The following FRAS1 variants were observed in gnomAD, a reference collection of about 807,000 sequenced individuals.
FRAS1 encodes extracellular matrix organizing protein FRAS1.
FRAS1 carries 290 observed loss-of-function variants against 435.2 expected under a neutral mutation model. The ratio of observed to expected loss-of-function variants is 0.67; its 90% CI spans 0.61 to 0.73. FRAS1 has a LOEUF of 0.73. Ranked by LOEUF, FRAS1 falls within the 30% of genes least tolerant of loss-of-function variation. FRAS1 has a pLI of 0.00. For missense variants in FRAS1, 4,860 were observed against 5,001.5 expected (o/e 0.97, Z 0.85); for synonymous variants, 1,800 against 1,851.0 (o/e 0.97, Z 0.71).
Position 78,479,434 on chromosome 4 carries a change from G to A in FRAS1, c.8159G>A (p.Ser2720Asn). The A allele has an allele frequency of 1.3e-6, 2 of 1,582,518 alleles. No individual in the cohort carries two copies. The highest frequency in any genetic ancestry group is 1.7e-6 in the Non-Finnish European group (2 of 1,160,838). ...CYTVPKSAMG[S>N]SLYALESGSD... Reference sequence around the variant, plus strand: ...ACAGTCCCTAAGTCAGCTATGGGAAGTAGCCTCTATGCTCTAGAATCAGGC... The same window carrying A: ...ACAGTCCCTAAGTCAGCTATGGGAAATAGCCTCTATGCTCTAGAATCAGGC... The change falls in exon 56 of 74, where the codon AGT (serine) becomes AAT (asparagine). Residue 2720 changes from serine (S) to asparagine (N), a missense_variant. Transcript: ENST00000512123.
chr4:78,096,444 C>T (rs1317310798), intron 2 of FRAS1, among the ~76,000 whole-genome samples: 1 of 152,178 alleles, frequency 6.6e-6, no homozygotes, highest in African/African-American at 2.4e-5. Context: ...GTGGGAGCTC[C>T]CACCCCACAT....
chr4:78,097,726 C>T (rs1741882802), intron 2 of FRAS1, among the ~76,000 whole-genome samples: 1 of 152,188 alleles, frequency 6.6e-6, no homozygotes, highest in African/African-American at 2.4e-5. Flanking sequence ...CCTCCCACAA[C>T]ACATGGGAAT....
Position 78,451,832 on chromosome 4 carries a change from A to G in FRAS1, c.6524A>G (p.Asp2175Gly). The change falls in exon 46 of 74, where the codon GAT becomes GGT. Residue 2175 changes from aspartate to glycine, a missense_variant. Transcript: ENST00000512123. ...GGAGGGAGCTTTGCTTTTAAATTTGATGTGGTTGATGGAGAAGGCAACAGA... is the reference window on the plus strand; with the variant it reads ...GGAGGGAGCTTTGCTTTTAAATTTGGTGTGGTTGATGGAGAAGGCAACAGA... ...EPGGSFAFKFDVVDGEGNRLI... is the reference protein window; with the variant it reads ...EPGGSFAFKFGVVDGEGNRLI... 6.2e-7 allele frequency: 1 copy of G among 1,613,080 alleles called. No homozygotes were observed. The highest frequency in any genetic ancestry group is 8.5e-7 in the Non-Finnish European group (1 of 1,179,262).
intron 2 of FRAS1, among the ~76,000 whole-genome samples, chr4:78,212,223 T>C (rs1723543828): frequency 2.0e-5 from 3 of 152,240 alleles, no homozygotes; most frequent in African/African-American, 7.2e-5. Flanking sequence ...TTGCAAATTC[T>C]TGTTTGTCCT....
At chr4:78,086,330 T>A (rs1169893807) in intron 2 of FRAS1, among the ~76,000 whole-genome samples, 1 of 152,004 alleles carries the variant, frequency 6.6e-6, no homozygotes, top group Non-Finnish European at 1.5e-5. Flanking sequence ...GCAGGAAAGA[T>A]CCAAAATTGA....
At chr4:78,293,426 C>T (rs970387750) in intron 14 of FRAS1, among the ~76,000 whole-genome samples, 5 of 152,206 alleles carry the variant, frequency 3.3e-5, no homozygotes, top group African/African-American at 1.2e-4. Context: ...ACCTATCTTC[C>T]ATTTGGCTTC....
intron 2 of FRAS1, among the ~76,000 whole-genome samples, chr4:78,195,150 T>C (rs1411422851): frequency 6.6e-6 from 1 of 152,078 alleles, no homozygotes; most frequent in Non-Finnish European, 1.5e-5. Context: ...CTCAGAGGAG[T>C]ACCCGGCCGT....
chr4:78,393,374 TA>T (rs1732528217), intron 29 of FRAS1, among the ~76,000 whole-genome samples: 1 of 150,174 alleles, frequency 6.7e-6, no homozygotes, highest in South Asian at 2.1e-4. Context: ...AAGGGTTACA[TA>T]AAATATCTTA....
chr4:78,153,887 T>C (rs1219732710), intron 2 of FRAS1, among the ~76,000 whole-genome samples: 1 of 152,222 alleles, frequency 6.6e-6, no homozygotes, highest in Admixed American at 6.5e-5. Flanking sequence ...TCCAGTGATG[T>C]TTAACCAAAG....
At chr4:78,496,477 C>T (rs1720509105) in intron 59 of FRAS1, among the ~76,000 whole-genome samples, 1 of 152,134 alleles carries the variant, frequency 6.6e-6, no homozygotes, top group African/African-American at 2.4e-5. Flanking sequence ...TATTAAGCAG[C>T]ACAGAAAAAA....
At position 78,307,700 on chromosome 4, in the gene FRAS1, C is replaced by T. The variant is rs558309222; in HGVS notation, c.1535-366C>T. ...GCGCTTCCCAGGTGAGGCAATGCCT[C>T]GCCCTGCTTCGGCTGGCGCATGGTG... On this transcript the variant is annotated intron_variant, in intron 14 of 73. Transcript: ENST00000512123. Among the ~76,000 whole-genome samples, 11 of 152,350 alleles carry T rather than the reference C, an allele frequency of 7.2e-5. No individual in the cohort carries two copies. In the East Asian group the frequency reaches 1.7e-3, roughly 24 times the overall value.
At chr4:78,157,786 T>C (rs1444081620) in intron 2 of FRAS1, among the ~76,000 whole-genome samples, 1 of 152,182 alleles carries the variant, frequency 6.6e-6, no homozygotes, top group Non-Finnish European at 1.5e-5. Context: ...TAATAGTTTC[T>C]TTTTTTGCTG....
intron 64 of FRAS1, 48 bp downstream of exon 64, chr4:78,511,554 A>C: frequency 1.0e-4 from 134 of 1,341,760 alleles, no homozygotes; most frequent in Non-Finnish European, 1.3e-4. Flanking sequence ...AGTGAATCTC[A>C]GGTCTCCTTT....
intron 32 of FRAS1, among the ~76,000 whole-genome samples, chr4:78,417,501 G>C (rs1365163341): frequency 6.6e-6 from 1 of 152,162 alleles, no homozygotes; most frequent in African/African-American, 2.4e-5. Context: ...CTTATATAGG[G>C]CATATAGTTT....
In FRAS1 at chr4:78,400,746, C is replaced by G; in HGVS notation, c.3988C>G (p.Leu1330Val). 2.5e-6 allele frequency: 4 copies of G among 1,612,724 alleles called. No homozygotes were observed. The highest frequency in any genetic ancestry group is 2.5e-6 in the Non-Finnish European group (3 of 1,179,446). Residue 1330 changes from leucine to valine, a missense_variant, in exon 30 of 74, where the codon CTT becomes GTT. Coordinates refer to ENST00000512123, the MANE Select transcript of FRAS1 (RefSeq NM_025074.7). The stretch of plus-strand genomic sequence containing the variant: ...ATTTTTATTTCAGAATGACAGGGGT[C>G]TTCAGCTTGTGGCTAATTCGATGGT... ...VKTVPQNDRG[L>V]QLVANSMVWV...
intron 43 of FRAS1, 82 bp from the exon 44 acceptor site, chr4:78,447,971 T>G (rs769835219): frequency 1.0e-4 from 132 of 1,322,032 alleles, no homozygotes; most frequent in Middle Eastern, 2.5e-4. Context: ...CTCATACTAC[T>G]TGGAAAAATC....
At chr4:78,158,856 C>T (rs10023697) in intron 2 of FRAS1, among the ~76,000 whole-genome samples, 36,924 of 152,044 alleles carry the variant, frequency 0.24, 4,717 homozygotes, top group African/African-American at 0.28. Flanking sequence ...TTACATCTCC[C>T]GTTGGAGCAT....
chr4:78,124,506 TTCTA>T (rs1330335614), intron 2 of FRAS1, among the ~76,000 whole-genome samples: 1 of 152,202 alleles, frequency 6.6e-6, no homozygotes, highest in African/African-American at 2.4e-5. Context: ...TTAGGGAGGA[TTCTA>T]TCTTTTTCTA....
At chr4:78,344,648 G>T (rs1336289047) in intron 20 of FRAS1, among the ~76,000 whole-genome samples, 5 of 151,950 alleles carry the variant, frequency 3.3e-5, no homozygotes, top group Non-Finnish European at 7.4e-5. Context: ...TTGATTGGTG[G>T]ATTAAAAGTC....
Sources: gnomAD v4.1 joint callset for allele counts (sites outside exome capture counted in the v4.1 genomes callset) on GRCh38, gnomAD v4.1.1 for gene constraint, MANE v1.5 for transcripts, NCBI Gene and HGNC (gene_info 2026-07-23, HGNC 2026-07-21) for gene names.